Variants in HPSE2 observed in about 807,000 individuals in gnomAD.
HPSE2 encodes the protein heparanase 2 (inactive).
A neutral mutation model predicts 60.5 loss-of-function variants in HPSE2; 38 were observed. The observed-to-expected ratio is 0.63, with a 90% confidence interval of 0.48 to 0.82. HPSE2 has a LOEUF of 0.82. Ranked by LOEUF, HPSE2 falls within the 40% of genes least tolerant of loss-of-function variation. The pLI is 0.00. For synonymous variants in HPSE2, 295 were observed against 293.2 expected, an observed-to-expected ratio of 1.01 and a Z score of -0.06; for missense variants, 713 against 740.4, an observed-to-expected ratio of 0.96 and a Z score of 0.43.
At chr10:98,831,864 C>T (rs1456907044) in intron 3 of HPSE2, among the ~76,000 whole-genome samples, 1 of 152,054 alleles carries the variant, frequency 6.6e-6, no homozygotes, top group Non-Finnish European at 1.5e-5. Flanking sequence ...ATCTTTATAG[C>T]TAAATAAATA....
intron 6 of HPSE2, among the ~76,000 whole-genome samples, chr10:98,674,144 C>T (rs1947576638): frequency 6.6e-6 from 1 of 152,180 alleles, no homozygotes. Flanking sequence ...ATATTTGGCA[C>T]ATGGAAGGCT....
At chr10:99,270,387 A>G in the HPSE2 span, among the ~76,000 whole-genome samples, 5 of 152,186 alleles carry the variant, frequency 3.3e-5, no homozygotes, top group African/African-American at 1.2e-4. Context: ...TAGAAAACCT[A>G]GAGGAGATGG....
intron 6 of HPSE2, among the ~76,000 whole-genome samples, chr10:98,650,308 C>T (rs754560267): frequency 2.0e-5 from 3 of 152,132 alleles, no homozygotes; most frequent in Admixed American, 1.3e-4. Flanking sequence ...TGGACTGTCA[C>T]GTTAGTGAGA....
rs76483648 is a variant in HPSE2, at chr10:98,934,039, C to T, written c.611-189983G>A. Among the ~76,000 whole-genome samples, 547 of 143,426 alleles carry T rather than the reference C, an allele frequency of 3.8e-3. 55 individuals are homozygous for T. The East Asian group carries it at 0.093, about 24-fold the overall frequency. 94.1% of individuals were successfully genotyped at this position (143,426 alleles called of 152,430 possible). A position where few individuals can be genotyped will look rare whatever the true frequency, so the allele number is the denominator to read the frequency against. ...GAGCCAGTGAGCCTGGCACCTTCTT[C>T]GTCTTTTTTTATCTTTGTTGGTTGA... On this transcript the variant is annotated intron_variant, in intron 3 of 11. Transcript: ENST00000370552.
chr10:99,091,140 T>C (rs1843497513), intron 3 of HPSE2, among the ~76,000 whole-genome samples: 1 of 152,190 alleles, frequency 6.6e-6, no homozygotes, highest in Non-Finnish European at 1.5e-5. Flanking sequence ...CATTTCTACC[T>C]ATGACAAAAA....
chr10:98,603,166 G>A (rs753278529), intron 9 of HPSE2, among the ~76,000 whole-genome samples: 3 of 152,122 alleles, frequency 2.0e-5, no homozygotes, highest in Non-Finnish European at 2.9e-5. Context: ...CCCCAAAATT[G>A]GAGAGACAGA....
In HPSE2 at chr10:98,972,999, A is replaced by T. The variant is rs564977223; in HGVS notation, c.610+171239T>A. 2.0e-5 allele frequency among the ~76,000 whole-genome samples: 3 copies of T among 152,300 alleles called. No individual in the cohort carries two copies. In the South Asian group the frequency reaches 6.2e-4, roughly 32 times the overall value. On this transcript the variant is annotated intron_variant, in intron 3 of 11. Coordinates refer to ENST00000370552, the MANE Select transcript of HPSE2 (RefSeq NM_021828.5). Reference sequence around the variant, plus strand: ...GATAAATTTTATATATTGATTCCTGAGTCATGTATTAGTAACACTATTATG... The same window carrying T: ...GATAAATTTTATATATTGATTCCTGTGTCATGTATTAGTAACACTATTATG...
chr10:98,871,403 G>A (rs1952729621), intron 3 of HPSE2, among the ~76,000 whole-genome samples: 1 of 151,872 alleles, frequency 6.6e-6, no homozygotes, highest in African/African-American at 2.4e-5. Context: ...TATATCCATA[G>A]AAGTGTTGGT....
At chr10:98,476,250 A>G (rs568667837) in intron 11 of HPSE2, among the ~76,000 whole-genome samples, 81 of 145,780 alleles carry the variant, frequency 5.6e-4, no homozygotes, top group African/African-American at 1.9e-3. Context: ...GCATGTTCTC[A>G]CTCATAGATG....
intron 3 of HPSE2, among the ~76,000 whole-genome samples, chr10:98,857,959 A>C (rs958125617): frequency 1.3e-5 from 2 of 152,196 alleles, no homozygotes; most frequent in Admixed American, 1.3e-4. Context: ...TAATTTTATA[A>C]AGGAAAACCA....
intron 9 of HPSE2, among the ~76,000 whole-genome samples, chr10:98,536,789 A>C (rs1399395697): frequency 3.9e-5 from 6 of 152,176 alleles, no homozygotes; most frequent in African/African-American, 1.4e-4. Flanking sequence ...CTGGGATTGC[A>C]GCCATGAATG....
chr10:99,264,804 C>T, the HPSE2 span, among the ~76,000 whole-genome samples: 2 of 117,792 alleles, frequency 1.7e-5, no homozygotes, highest in Non-Finnish European at 2.1e-5. Context: ...AACAACCCCA[C>T]AGTATCACCC....
chr10:98,528,837 A>G (rs1943049544), intron 9 of HPSE2, among the ~76,000 whole-genome samples: 1 of 152,214 alleles, frequency 6.6e-6, no homozygotes, highest in Non-Finnish European at 1.5e-5. Flanking sequence ...AAGGCCATGT[A>G]TTTTTAAGAG....
intron 9 of HPSE2, among the ~76,000 whole-genome samples, chr10:98,562,026 G>C (rs1329607370): frequency 6.6e-6 from 1 of 152,152 alleles, no homozygotes; most frequent in Non-Finnish European, 1.5e-5. Flanking sequence ...AGTCCTGCAA[G>C]CTCCATTCAT....
chr10:99,133,490 T>C (rs1370090256), intron 3 of HPSE2, among the ~76,000 whole-genome samples: 1 of 152,036 alleles, frequency 6.6e-6, no homozygotes, highest in Non-Finnish European at 1.5e-5. Flanking sequence ...ACAGGAGAGC[T>C]CTGGTTGGCA....
At chr10:98,916,644 T>C (rs1474253401) in intron 3 of HPSE2, among the ~76,000 whole-genome samples, 1 of 152,236 alleles carries the variant, frequency 6.6e-6, no homozygotes, top group Non-Finnish European at 1.5e-5. Context: ...AAACAGTTTC[T>C]GGTTCTGCTT....
chr10:98,822,118 T>C (rs1419145062), intron 3 of HPSE2, among the ~76,000 whole-genome samples: 8 of 152,206 alleles, frequency 5.3e-5, no homozygotes, highest in Admixed American at 5.2e-4. Context: ...GGGCAACTGA[T>C]AAATTTTATA....
At chr10:99,190,690 C>T (rs758701629) in intron 2 of HPSE2, among the ~76,000 whole-genome samples, 1 of 152,150 alleles carries the variant, frequency 6.6e-6, no homozygotes, top group African/African-American at 2.4e-5. Context: ...TTCGCCCTTC[C>T]GCCACCCATC....
At chr10:98,755,894 G>A (rs1174269108) in intron 3 of HPSE2, among the ~76,000 whole-genome samples, 1 of 152,148 alleles carries the variant, frequency 6.6e-6, no homozygotes, top group African/African-American at 2.4e-5. Context: ...TACTCGGGAG[G>A]CTGAGGTGAG....
Sources: allele counts gnomAD v4.1 joint callset (sites outside exome capture counted in the v4.1 genomes callset), GRCh38; gene constraint gnomAD v4.1.1; transcripts MANE v1.5; gene names NCBI Gene and HGNC (gene_info 2026-07-23, HGNC 2026-07-21).